SORCS3: variants seen among roughly 807,000 people sequenced by gnomAD.
The protein encoded by SORCS3 is VPS10 domain-containing receptor SorCS3.
Under a neutral mutation model 146.3 loss-of-function variants are expected in SORCS3, and 57 were observed. The observed-to-expected ratio is 0.39, with a 90% CI of 0.31 to 0.49. SORCS3 has a LOEUF of 0.49. SORCS3 is among the 20% of genes least tolerant of loss of function. The pLI, the probability that SORCS3 is intolerant of heterozygous loss-of-function variation, is 0.92. For synonymous variants in SORCS3, 653 were observed against 618.5 expected, an observed-to-expected ratio of 1.06 and a Z score of -0.83; for missense variants, 1,341 against 1,575.5, an observed-to-expected ratio of 0.85 and a Z score of 2.52.
intron 1 of SORCS3, among the ~76,000 whole-genome samples, chr10:104,752,120 C>T (rs1246976290): frequency 2.0e-5 from 3 of 150,778 alleles, no homozygotes; most frequent in South Asian, 2.1e-4. Flanking sequence ...CTGTAACCTC[C>T]GCCTCCCAGG....
intron 1 of SORCS3, among the ~76,000 whole-genome samples, chr10:104,726,219 G>A (rs74155020): frequency 0.019 from 2,910 of 152,276 alleles, 92 homozygotes; most frequent in African/African-American, 0.066. Context: ...AAGAGCTCAC[G>A]GCATTGTGTT....
At chr10:105,223,091 T>C (rs2056713832) in intron 19 of SORCS3, 25 bp from the exon 20 acceptor site, 1 of 1,584,614 alleles carries the variant, frequency 6.3e-7, no homozygotes, top group African/African-American at 1.4e-5. Flanking sequence ...ATATAAACAC[T>C]GACTTTTTTT....
At chr10:105,011,264 A>G (rs1203093995) in intron 4 of SORCS3, among the ~76,000 whole-genome samples, 1 of 152,196 alleles carries the variant, frequency 6.6e-6, no homozygotes, top group East Asian at 1.9e-4. Context: ...AGTCATAAGC[A>G]TTAGTGAAAC....
chr10:105,130,829 A>G (rs1232330466), intron 7 of SORCS3, among the ~76,000 whole-genome samples: 1 of 152,172 alleles, frequency 6.6e-6, no homozygotes, highest in Non-Finnish European at 1.5e-5. Flanking sequence ...AACACCAGTT[A>G]GACAAACACT....
chr10:105,215,355 T>G (rs147526482), intron 18 of SORCS3, among the ~76,000 whole-genome samples: 7 of 152,210 alleles, frequency 4.6e-5, no homozygotes, highest in Admixed American at 4.6e-4. Flanking sequence ...TAAATTTATA[T>G]GCAAATTGCT....
intron 5 of SORCS3, among the ~76,000 whole-genome samples, chr10:105,055,480 C>T (rs1041685481): frequency 1.3e-5 from 2 of 152,112 alleles, no homozygotes; most frequent in African/African-American, 2.4e-5. Flanking sequence ...GACCAGTGCT[C>T]CACCAGTCAG....
chr10:104,803,981 G>C (rs2133512148), intron 1 of SORCS3, among the ~76,000 whole-genome samples: 1 of 152,248 alleles, frequency 6.6e-6, no homozygotes, highest in East Asian at 1.9e-4. Flanking sequence ...ACAAGACTGA[G>C]ACCCAAGTCA....
At chr10:104,927,141 A>G (rs1589552309) in intron 3 of SORCS3, among the ~76,000 whole-genome samples, 1 of 152,202 alleles carries the variant, frequency 6.6e-6, no homozygotes, top group Non-Finnish European at 1.5e-5. Context: ...AGGTGTGTAT[A>G]AAACATTTTT....
At chr10:104,879,712 G>A (rs528891525) in intron 2 of SORCS3, among the ~76,000 whole-genome samples, 1 of 152,186 alleles carries the variant, frequency 6.6e-6, no homozygotes, top group Non-Finnish European at 1.5e-5. Flanking sequence ...AGCAAAAGGG[G>A]TTTCCGCTGA....
intron 1 of SORCS3, among the ~76,000 whole-genome samples, chr10:104,779,458 AG>A (rs1414467356): frequency 6.6e-6 from 1 of 152,228 alleles, no homozygotes; most frequent in Non-Finnish European, 1.5e-5. Context: ...ATTTGCAGCA[AG>A]GAACAAATGA....
intron 3 of SORCS3, among the ~76,000 whole-genome samples, chr10:104,945,944 A>G (rs1331920680): frequency 6.6e-6 from 1 of 152,058 alleles, no homozygotes; most frequent in Non-Finnish European, 1.5e-5. Flanking sequence ...TGATTTTAAG[A>G]GCTGGCACCC....
intron 1 of SORCS3, among the ~76,000 whole-genome samples, chr10:104,696,390 A>AATATAGAAT (rs1227523002): frequency 7.8e-5 from 1 of 12,818 alleles, no homozygotes; most frequent in African/African-American, 1.7e-4. Flanking sequence ...TATATTATAT[A>AATATAGAAT]ATATATAATA....
chr10:104,940,239 T>TATATATATA (rs1554861474), intron 3 of SORCS3, among the ~76,000 whole-genome samples: 25 of 14,486 alleles, frequency 1.7e-3, no homozygotes, highest in Middle Eastern at 0.036. Flanking sequence ...TATATATATA[T>TATATATATA]TTTTTTTTTT....
At chr10:104,778,765 G>C (rs1407078630) in intron 1 of SORCS3, among the ~76,000 whole-genome samples, 1 of 152,154 alleles carries the variant, frequency 6.6e-6, no homozygotes, top group Non-Finnish European at 1.5e-5. Flanking sequence ...GCATATTGTA[G>C]GTACTTGGCC....
intron 4 of SORCS3, among the ~76,000 whole-genome samples, chr10:105,036,662 T>G (rs777610490): frequency 2.0e-5 from 3 of 152,314 alleles, no homozygotes; most frequent in Middle Eastern, 3.4e-3. Context: ...AGACGCAGGT[T>G]GGAAAGGACT....
At chr10:105,216,882 A>T in intron 18 of SORCS3, 54 bp from the exon 19 acceptor site, 1 of 1,576,076 alleles carries the variant, frequency 6.3e-7, no homozygotes, top group South Asian at 1.1e-5. Context: ...GAAGCATCAG[A>T]TAGGAGTCTG....
At chr10:105,211,367 A>C in intron 17 of SORCS3, 117 bp downstream of exon 17, 1 of 717,766 alleles carries the variant, frequency 1.4e-6, no homozygotes, top group Non-Finnish European at 2.5e-6. Context: ...TGTTTATAAC[A>C]AATGGCATTT....
At chr10:105,074,635 G>A (rs528241968) in intron 5 of SORCS3, among the ~76,000 whole-genome samples, 34 of 152,210 alleles carry the variant, frequency 2.2e-4, no homozygotes, top group African/African-American at 7.7e-4. Flanking sequence ...TTCTTCCTGG[G>A]GGTCCCCATA....
intron 7 of SORCS3, among the ~76,000 whole-genome samples, chr10:105,126,876 C>A (rs1236348126): frequency 6.6e-6 from 1 of 152,146 alleles, no homozygotes; most frequent in East Asian, 1.9e-4. Context: ...AGCATCTTAT[C>A]TTCACTGTGC....
Sources: allele counts gnomAD v4.1 joint callset (sites outside exome capture counted in the v4.1 genomes callset), GRCh38; gene constraint gnomAD v4.1.1; transcripts MANE v1.5; gene names NCBI Gene and HGNC (gene_info 2026-07-23, HGNC 2026-07-21).